The following C8orf34 variants were observed in gnomAD, a reference collection of about 807,000 sequenced individuals.
C8orf34 encodes chromosome 8 open reading frame 34.
C8orf34 carries 65 observed loss-of-function variants against 68.3 expected under a neutral mutation model. That is an observed-to-expected ratio of 0.95 (90% CI 0.78 to 1.17). The LOEUF is 1.17. Ranked by LOEUF, C8orf34 falls within the 50% of genes most tolerant of loss-of-function variation. The pLI is 0.00. For missense variants in C8orf34, 664 were observed against 655.4 expected (o/e 1.01, Z -0.14); for synonymous variants, 244 against 241.2 (o/e 1.01, Z -0.11).
At position 68,612,844 on chromosome 8, in the gene C8orf34, T is replaced by C. The variant is rs117056687; in HGVS notation, c.1106-27532T>C. Among the ~76,000 whole-genome samples, 435 of 152,310 alleles carry C rather than the reference T, an allele frequency of 2.9e-3. 1 individual carries two copies. The highest frequency in any genetic ancestry group is 4.3e-3 in the Non-Finnish European group (295 of 68,014). ...GACATGGTTCTTTTTGAGAATCTTATAGATCTGTTTGAATTAATAAATTTA... is the reference window on the plus strand; with the variant it reads ...GACATGGTTCTTTTTGAGAATCTTACAGATCTGTTTGAATTAATAAATTTA... On this transcript the variant is annotated intron_variant, in intron 7 of 13. Transcript: ENST00000518698.
intron 9 of C8orf34, among the ~76,000 whole-genome samples, chr8:68,713,295 C>A (rs1373203341): frequency 6.6e-6 from 1 of 151,476 alleles, no homozygotes; most frequent in Non-Finnish European, 1.5e-5. Context: ...ACTATCCATC[C>A]CAGAAGAAGA....
chr8:68,730,666 A>T (rs2129526840), intron 10 of C8orf34, among the ~76,000 whole-genome samples: 1 of 152,280 alleles, frequency 6.6e-6, no homozygotes, highest in Admixed American at 6.5e-5. Flanking sequence ...TTGGTAATTA[A>T]TTCAATCCCT....
chr8:68,744,761 G>C (rs1408586009), intron 10 of C8orf34, among the ~76,000 whole-genome samples: 1 of 151,758 alleles, frequency 6.6e-6, no homozygotes, highest in Non-Finnish European at 1.5e-5. Context: ...TGTCTGATTG[G>C]TGTACCTGAA....
intron 1 of C8orf34, among the ~76,000 whole-genome samples, chr8:68,435,764 A>C (rs1481130303): frequency 1.3e-5 from 2 of 152,242 alleles, no homozygotes; most frequent in Non-Finnish European, 2.9e-5. Context: ...AGTCCATCAC[A>C]GAAGGCTACA....
At chr8:68,605,011 A>G (rs1817813609) in intron 7 of C8orf34, among the ~76,000 whole-genome samples, 1 of 152,156 alleles carries the variant, frequency 6.6e-6, no homozygotes, top group Non-Finnish European at 1.5e-5. Context: ...ATTCAACAAT[A>G]AGAAAACAAA....
chr8:68,448,811 TACAA>T (rs747332026), intron 3 of C8orf34, among the ~76,000 whole-genome samples: 9 of 152,032 alleles, frequency 5.9e-5, no homozygotes, highest in Non-Finnish European at 8.8e-5. Flanking sequence ...AACATGCAGA[TACAA>T]ACAGTTTGAA....
intron 8 of C8orf34, among the ~76,000 whole-genome samples, chr8:68,665,447 G>A (rs574777717): frequency 1.3e-5 from 2 of 152,076 alleles, no homozygotes; most frequent in Admixed American, 6.5e-5. Context: ...TGTTGCATAC[G>A]GGTGGTTGGG....
At chr8:68,331,608 C>G (rs940478390) in intron 1 of C8orf34, 9 of 498,710 alleles carry the variant, frequency 1.8e-5, no homozygotes, top group Admixed American at 1.3e-4. Flanking sequence ...AGTTTTGGCC[C>G]TCTGACTGTC....
At chr8:68,700,975 A>T (rs551778553) in intron 8 of C8orf34, among the ~76,000 whole-genome samples, 1 of 152,164 alleles carries the variant, frequency 6.6e-6, no homozygotes, top group Non-Finnish European at 1.5e-5. Flanking sequence ...AAGATAGGTT[A>T]ATTTTCTAAC....
At chr8:68,370,032 G>A (rs1299467824) in intron 1 of C8orf34, among the ~76,000 whole-genome samples, 1 of 152,108 alleles carries the variant, frequency 6.6e-6, no homozygotes, top group Non-Finnish European at 1.5e-5. Context: ...GGTGTTAGGT[G>A]GCATAAATGC....
intron 1 of C8orf34, among the ~76,000 whole-genome samples, chr8:68,339,940 G>GA (rs1806002492): frequency 6.6e-6 from 1 of 151,860 alleles, no homozygotes; most frequent in Non-Finnish European, 1.5e-5. Flanking sequence ...GATAAGAAGA[G>GA]AAAAAACAAT....
intron 8 of C8orf34, among the ~76,000 whole-genome samples, chr8:68,708,512 T>C (rs1585761410): frequency 6.6e-6 from 1 of 152,222 alleles, no homozygotes; most frequent in South Asian, 2.1e-4. Flanking sequence ...TAGGAAACTT[T>C]ACCTCCACTG....
At chr8:68,621,062 G>A (rs1818374784) in intron 7 of C8orf34, among the ~76,000 whole-genome samples, 1 of 152,142 alleles carries the variant, frequency 6.6e-6, no homozygotes, top group South Asian at 2.1e-4. Flanking sequence ...TATTCAATAT[G>A]TTTTATATGA....
At chr8:68,359,758 G>A (rs376438748) in intron 1 of C8orf34, among the ~76,000 whole-genome samples, 14 of 152,110 alleles carry the variant, frequency 9.2e-5, no homozygotes, top group East Asian at 3.9e-4. Flanking sequence ...CTGCACCCTC[G>A]GTCTTTGTAG....
chr8:68,476,121 T>G (rs948194933), intron 4 of C8orf34, among the ~76,000 whole-genome samples: 3 of 152,106 alleles, frequency 2.0e-5, no homozygotes, highest in Admixed American at 1.3e-4. Flanking sequence ...AAAATAGAGA[T>G]GGATAATGTG....
intron 10 of C8orf34, among the ~76,000 whole-genome samples, chr8:68,772,917 T>C (rs1023745798): frequency 5.3e-5 from 8 of 151,590 alleles, no homozygotes; most frequent in African/African-American, 1.9e-4. Flanking sequence ...AGACATAATT[T>C]CCATGTTTTC....
chr8:68,772,753 C>T (rs1185753020), intron 10 of C8orf34, among the ~76,000 whole-genome samples: 1 of 133,876 alleles, frequency 7.5e-6, no homozygotes, highest in Non-Finnish European at 1.6e-5. Context: ...CTCTTTCTCT[C>T]CTTCCTTCTT....
At chr8:68,766,324 A>G (rs1823174419) in intron 10 of C8orf34, among the ~76,000 whole-genome samples, 1 of 152,250 alleles carries the variant, frequency 6.6e-6, no homozygotes, top group East Asian at 1.9e-4. Context: ...TAATTTTAAA[A>G]GAATACATTA....
intron 2 of C8orf34, 117 bp downstream of exon 2, chr8:68,439,763 T>C: frequency 6.0e-6 from 6 of 992,994 alleles, no homozygotes; most frequent in Non-Finnish European, 7.3e-6. Context: ...GTTTCATGTG[T>C]TCATCTCTGA....
Sources: allele counts gnomAD v4.1 joint callset (sites outside exome capture counted in the v4.1 genomes callset), GRCh38; gene constraint gnomAD v4.1.1; transcripts MANE v1.5; gene names NCBI Gene and HGNC (gene_info 2026-07-23, HGNC 2026-07-21).